Variants in MED26 observed in about 807,000 individuals in gnomAD.
MED26 encodes the protein mediator complex subunit 26.
MED26 carries 7 observed loss-of-function variants against 43.7 expected under a neutral mutation model. The ratio of observed to expected loss-of-function variants is 0.16; its 90% CI spans 0.09 to 0.30. The LOEUF (loss-of-function observed/expected upper bound fraction) is 0.30. Ranked by LOEUF, MED26 falls within the 10% of genes least tolerant of loss-of-function variation. The probability of loss-of-function intolerance (pLI) is 1.00; values close to 1 mark genes in which losing one functional copy is unlikely to be tolerated. For synonymous variants in MED26, 375 were observed against 371.1 expected, an observed-to-expected ratio of 1.01 and a Z score of -0.12; for missense variants, 784 against 840.6, an observed-to-expected ratio of 0.93 and a Z score of 0.83.
At chr19:16,610,223 G>A (rs1384343925) in intron 1 of MED26, among the ~76,000 whole-genome samples, 1 of 151,928 alleles carries the variant, frequency 6.6e-6, no homozygotes, top group Non-Finnish European at 1.5e-5. Flanking sequence ...TTGCGCTATT[G>A]CACTCCAGCC....
At position 16,628,148 on chromosome 19, in the gene MED26, AGGAGCCGCC is replaced by A. The variant is rs1402170165; in HGVS notation, c.-214_-206del. 8 of 366,174 alleles carry A rather than the reference AGGAGCCGCC, an allele frequency of 2.2e-5. No homozygotes were observed. Among genetic ancestry groups the A allele is most frequent in the South Asian group, 1.3e-4 (1 of 7,828 alleles). 22.7% of individuals were successfully genotyped at this position (366,174 alleles called of 1,614,324 possible). On this transcript the variant is annotated 5_prime_UTR_variant, in exon 1 of 3. Transcript: ENST00000263390. Reference sequence around the variant, plus strand: ...CCGCCGCCGCCACCAAAGGAGGAGGAGGAGCCGCCGGAGCCGCCGCCGCTCGCTGCCGCC... The same window carrying A: ...CCGCCGCCGCCACCAAAGGAGGAGGAGGAGCCGCCGCCGCTCGCTGCCGCC...
chr19:16,577,136 A>C lies in MED26; in HGVS notation c.694T>G (p.Ser232Ala). 6.2e-7 allele frequency: 1 copy of C among 1,613,200 alleles called. No individual in the cohort carries two copies. Among genetic ancestry groups the C allele is most frequent in the Non-Finnish European group, 8.5e-7 (1 of 1,179,872 alleles). ...CCAGGGGGCTTGCCCAGGCCCGGGG[A>C]GCTGGTGTGCGGTCGCACGGCGTTG... is the stretch of plus-strand genomic sequence containing the variant. ...PVNAVRPHTS[S>A]PGLGKPPGPC... The change falls in exon 3 of 3, where the codon TCC becomes GCC. Residue 232 changes from serine to alanine, a missense_variant. Ser to Ala is a moderately conservative substitution (Grantham distance 99). This residue lies in a region of MED26 where 719 missense variants were observed against 730.9 expected (regional missense o/e 0.98). Coordinates refer to ENST00000263390, the MANE Select transcript of MED26 (RefSeq NM_004831.5). The surrounding 1 kb of genome is among the most constrained non-coding windows in gnomAD (Gnocchi z 8.1).
chr19:16,590,743 A>C (rs1056085963), intron 1 of MED26, among the ~76,000 whole-genome samples: 15 of 152,304 alleles, frequency 9.8e-5, no homozygotes, highest in African/African-American at 3.1e-4. Context: ...TTATATCTCA[A>C]TAAAGCTATT....
Position 16,586,025 on chromosome 19 carries a change from C to T in MED26, c.73-7616G>A, listed in dbSNP as rs969511110. 6.6e-6 allele frequency among the ~76,000 whole-genome samples: 1 copy of T among 152,240 alleles called. No homozygotes were observed. The highest frequency in any genetic ancestry group is 6.5e-5 in the Admixed American group (1 of 15,284). On this transcript the variant is annotated intron_variant, in intron 1 of 2. Coordinates refer to ENST00000263390, the MANE Select transcript of MED26 (RefSeq NM_004831.5). The surrounding 1 kb of genome is among the most constrained non-coding windows in gnomAD (Gnocchi z 5.1). ...GACTGAGTTTTGAGTCCCAGCAGCC[C>T]CTTGGCTTGCCTCTCCATTTTCTCC...
intron 1 of MED26, among the ~76,000 whole-genome samples, chr19:16,613,990 CAGGA>C (rs1259994937): frequency 1.3e-5 from 2 of 152,194 alleles, no homozygotes; most frequent in Non-Finnish European, 2.9e-5. Context: ...TCATCTGTCA[CAGGA>C]AGACAGTACC....
rs1257264498 is a variant in MED26 at position 16,627,955 on chromosome 19, G to A, written c.-12C>T. The A allele has an allele frequency of 2.8e-6, 4 of 1,452,162 alleles. No homozygotes were observed. Among genetic ancestry groups the A allele is most frequent in the Admixed American group, 2.3e-5 (1 of 42,764 alleles). 90.0% of individuals were successfully genotyped at this position (1,452,162 alleles called of 1,614,324 possible). A position where few individuals can be genotyped will look rare whatever the true frequency, so the allele number is the denominator to read the frequency against. ...GGAGCCGCTGTCATTGCCTGGGCGA[G>A]GCGGGGGGTTGCGGCCGGGCCAGCG... On this transcript the variant is annotated 5_prime_UTR_variant, in exon 1 of 3. Coordinates refer to ENST00000263390, the MANE Select transcript of MED26 (RefSeq NM_004831.5).
chr19:16,610,563 G>T (rs1237445360), intron 1 of MED26: 3 of 151,834 alleles, frequency 2.0e-5, no homozygotes, highest in Non-Finnish European at 4.4e-5. Flanking sequence ...AGCTCATTTT[G>T]TATTTTTAGT....
intron 1 of MED26, among the ~76,000 whole-genome samples, chr19:16,617,386 G>T (rs938351586): frequency 3.3e-5 from 5 of 152,128 alleles, no homozygotes; most frequent in African/African-American, 1.2e-4. Context: ...TGTGGGCACT[G>T]CCACTTTCTT....
intron 1 of MED26, among the ~76,000 whole-genome samples, chr19:16,624,079 A>T (rs973004494): frequency 3.9e-5 from 6 of 152,126 alleles, no homozygotes; most frequent in African/African-American, 1.4e-4. Flanking sequence ...GTTAGTTGAG[A>T]AACTTCACAC....
At chr19:16,621,281 T>A (rs1179433733) in intron 1 of MED26, among the ~76,000 whole-genome samples, 1 of 152,212 alleles carries the variant, frequency 6.6e-6, no homozygotes, top group Non-Finnish European at 1.5e-5. Flanking sequence ...ATGAAGCACC[T>A]ACCCTAGAAG....
At chr19:16,621,973 C>T (rs1216886033) in intron 1 of MED26, among the ~76,000 whole-genome samples, 1 of 152,122 alleles carries the variant, frequency 6.6e-6, no homozygotes, top group African/African-American at 2.4e-5. Context: ...AGACACAGCT[C>T]GACATCTGCC....
rs376850229 is a variant in MED26, at chr19:16,576,265, C to T, written c.1565G>A (p.Arg522Gln). Residue 522 changes from arginine (R) to glutamine (Q), a missense_variant, in exon 3 of 3, where the codon CGG becomes CAG. Transcript: ENST00000263390. The surrounding 1 kb of genome is among the most constrained non-coding windows in gnomAD (Gnocchi z 6.8). ...CACATGCAGCTGCCTGGCCCCTTGC[C>T]GGGTGCTCTCCTCCTGCTTCAGGTA... is the stretch of plus-strand genomic sequence containing the variant. The part of the protein sequence containing the change: ...SEYLKQEEST[R>Q]QGARQLHVLV... 36 of 1,611,350 alleles carry T rather than the reference C, an allele frequency of 2.2e-5. No individual in the cohort carries two copies. Among genetic ancestry groups the T allele is most frequent in the African/African-American group, 1.5e-4 (11 of 75,034 alleles).
chr19:16,602,138 T>C (rs1362840407), intron 1 of MED26, among the ~76,000 whole-genome samples: 3 of 152,212 alleles, frequency 2.0e-5, no homozygotes, highest in Non-Finnish European at 4.4e-5. Context: ...TCATTCCCTA[T>C]GGAAAGTTCT....
At chr19:16,588,502 A>C (rs2122397522) in intron 1 of MED26, 1 of 152,498 alleles carries the variant, frequency 6.6e-6, no homozygotes, top group Admixed American at 6.5e-5. Flanking sequence ...CTGATGGTTG[A>C]GCCGCGCATA....
intron 1 of MED26, chr19:16,597,539 G>A: frequency 2.5e-6 from 1 of 398,342 alleles, no homozygotes; most frequent in Non-Finnish European, 4.4e-6. Context: ...AAGTTTGTTT[G>A]CAAAGTTTGC....
chr19:16,578,186 C>T (rs559067021), intron 2 of MED26, 149 bp downstream of exon 2: 5 of 754,622 alleles, frequency 6.6e-6, no homozygotes, highest in Non-Finnish European at 9.3e-6. Flanking sequence ...AGAGCAAGAT[C>T]GCGAGGCACG....
intron 1 of MED26, among the ~76,000 whole-genome samples, chr19:16,599,899 C>T (rs1356422204): frequency 1.3e-5 from 2 of 152,216 alleles, no homozygotes; most frequent in Non-Finnish European, 2.9e-5. Flanking sequence ...AGCATCTGCC[C>T]TGGGGCCTGA....
chr19:16,578,330 C>T lies in MED26; in HGVS notation c.147+5G>A. 2 of 1,613,860 alleles carry T rather than the reference C, an allele frequency of 1.2e-6. No homozygotes were observed. The highest frequency in any genetic ancestry group is 2.2e-5 in the South Asian group (2 of 91,068). On this transcript the variant is annotated splice_donor_5th_base_variant and intron_variant, in intron 2 of 2. Transcript: ENST00000263390. ...CTCCCAAATGCTGGGGTCTGGGATACTCACCTCAAGTGCCTCTTTGGTAAT... is the reference window on the plus strand; with the variant it reads ...CTCCCAAATGCTGGGGTCTGGGATATTCACCTCAAGTGCCTCTTTGGTAAT...
At chr19:16,614,611 C>T (rs1204814587) in intron 1 of MED26, among the ~76,000 whole-genome samples, 1 of 152,150 alleles carries the variant, frequency 6.6e-6, no homozygotes, top group Non-Finnish European at 1.5e-5. Flanking sequence ...CGTGCAGGCT[C>T]ATGTGGGCCT....
Sources: allele counts gnomAD v4.1 joint callset (sites outside exome capture counted in the v4.1 genomes callset), GRCh38; gene constraint gnomAD v4.1.1; regional missense constraint gnomAD v4.1.1; non-coding constraint Gnocchi (gnomAD v3.1); transcripts MANE v1.5; gene names NCBI Gene and HGNC (gene_info 2026-07-23, HGNC 2026-07-21).